MAP3K4: variants seen among roughly 807,000 people sequenced by gnomAD.
MAP3K4 encodes MAP three kinase 1.
In MAP3K4, 67 loss-of-function variants were observed where a neutral mutation model predicts 185.6. The observed-to-expected ratio is 0.36, with a 90% CI of 0.30 to 0.44. The LOEUF is 0.44. Ranked by LOEUF, MAP3K4 falls within the 20% of genes least tolerant of loss-of-function variation. MAP3K4 has a pLI of 1.00. For synonymous variants in MAP3K4, 702 were observed against 710.4 expected, an observed-to-expected ratio of 0.99 and a Z score of 0.19; for missense variants, 1,551 against 1,995.1, an observed-to-expected ratio of 0.78 and a Z score of 4.24.
intron 1 of MAP3K4, among the ~76,000 whole-genome samples, chr6:161,029,871 A>C (rs1478386153): frequency 6.6e-6 from 1 of 152,136 alleles, no homozygotes; most frequent in African/African-American, 2.4e-5. Context: ...GTTTTAAAGA[A>C]AAAAGAATAA....
rs368122859 is a variant in MAP3K4, at chr6:161,092,929, C to T, written c.3270-49C>T. 13 of 1,084,058 alleles carry T rather than the reference C, an allele frequency of 1.2e-5. No homozygotes were observed. The African/African-American group carries it at 2.0e-4, about 17-fold the overall frequency. 67.2% of individuals were successfully genotyped at this position (1,084,058 alleles called of 1,614,324 possible). A position where few individuals can be genotyped will look rare whatever the true frequency, so the allele number is the denominator to read the frequency against. ...AGTATTGTACAGTCTAAAACTGCTACAGCGTTTTCTTGGTTGTTATGTGAT... is the reference window on the plus strand; with the variant it reads ...AGTATTGTACAGTCTAAAACTGCTATAGCGTTTTCTTGGTTGTTATGTGAT... On this transcript the variant is annotated intron_variant, in intron 13 of 26. Transcript: ENST00000392142.
At position 161,100,665 on chromosome 6, in the gene MAP3K4, G is replaced by A. The variant is rs1055182302; in HGVS notation, c.3675-1227G>A. Among the ~76,000 whole-genome samples, 5 of 152,118 alleles carry A rather than the reference G, an allele frequency of 3.3e-5. No homozygotes were observed. The highest frequency in any genetic ancestry group is 4.8e-5 in the African/African-American group (2 of 41,404). On this transcript the variant is annotated intron_variant, in intron 17 of 26. Transcript: ENST00000392142. The surrounding 1 kb of genome is among the most constrained non-coding windows in gnomAD (Gnocchi z 5.8). ...CATTCCCCAATATGCCACTTCATGA[G>A]TATATGTTCTTGCTTTTTACCCGTG...
chr6:161,092,172 T>C, intron 13 of MAP3K4, 29 bp downstream of exon 13: 1 of 1,612,718 alleles, frequency 6.2e-7, no homozygotes. Context: ...GTTTCTGAAA[T>C]GTGTCATGTG....
Position 161,034,243 on chromosome 6 carries a change from ACACTGTCTTT to A in MAP3K4, c.153-13_153-4del, listed in dbSNP as rs778744668. 6.2e-7 allele frequency: 1 copy of A among 1,602,172 alleles called. No homozygotes were observed. Among genetic ancestry groups the A allele is most frequent in the African/African-American group, 1.3e-5 (1 of 74,688 alleles). ...CTGTGTTGCTGAATATTTTCCCTGCACACTGTCTTTCATAGGCAAGAGGGCACATTGGGAG... is the reference window on the plus strand; with the variant it reads ...CTGTGTTGCTGAATATTTTCCCTGCACATAGGCAAGAGGGCACATTGGGAG... On this transcript the variant is annotated splice_polypyrimidine_tract_variant and splice_region_variant and intron_variant, in intron 1 of 26. Transcript: ENST00000392142. The surrounding 1 kb of genome is among the most constrained non-coding windows in gnomAD (Gnocchi z 4.4).
chr6:161,000,617 A>G lies in MAP3K4; in HGVS notation c.152+8534A>G, dbSNP rs183271809. Among the ~76,000 whole-genome samples, 1,109 of 152,272 alleles carry G rather than the reference A, an allele frequency of 7.3e-3. 10 individuals carry two copies. The highest frequency in any genetic ancestry group is 0.012 in the Non-Finnish European group (844 of 68,004). On this transcript the variant is annotated intron_variant, in intron 1 of 26. Transcript: ENST00000392142. Reference sequence around the variant, plus strand: ...TAATTTGTTGATCTTTCTCTGAAACAGTAACCTGTGTTTAAAATTTTTCAC... The same window carrying G: ...TAATTTGTTGATCTTTCTCTGAAACGGTAACCTGTGTTTAAAATTTTTCAC...
In MAP3K4 at chr6:161,065,765, C is replaced by T. The variant is rs557219901; in HGVS notation, c.1708-4843C>T. ...CATCCTGGCTAACACAGTGAAACCCCGTCTCTACTAAAAATACAAAAAATT... is the reference window on the plus strand; with the variant it reads ...CATCCTGGCTAACACAGTGAAACCCTGTCTCTACTAAAAATACAAAAAATT... On this transcript the variant is annotated intron_variant, in intron 3 of 26. Transcript: ENST00000392142. Among the ~76,000 whole-genome samples, 8 of 152,102 alleles carry T rather than the reference C, an allele frequency of 5.3e-5. No individual in the cohort carries two copies. The East Asian group carries it at 1.2e-3, about 22-fold the overall frequency.
At chr6:161,072,465 A>G (rs1170476319) in intron 4 of MAP3K4, among the ~76,000 whole-genome samples, 1 of 152,210 alleles carries the variant, frequency 6.6e-6, no homozygotes, top group African/African-American at 2.4e-5. Context: ...GTATTTTTCA[A>G]AAGCAAGAAT....
At chr6:161,045,655 C>A (rs909542791) in intron 2 of MAP3K4, among the ~76,000 whole-genome samples, 4 of 152,116 alleles carry the variant, frequency 2.6e-5, no homozygotes, top group African/African-American at 9.7e-5. Context: ...ACCTTTCAAT[C>A]ATAGATTAGA....
chr6:161,014,832 C>T (rs947439131), intron 1 of MAP3K4, among the ~76,000 whole-genome samples: 3 of 151,082 alleles, frequency 2.0e-5, no homozygotes, highest in Admixed American at 2.0e-4. Flanking sequence ...ATATATGCAA[C>T]CATTACCACA....
intron 1 of MAP3K4, among the ~76,000 whole-genome samples, chr6:161,015,482 A>G (rs1782049824): frequency 6.6e-6 from 1 of 152,048 alleles, no homozygotes; most frequent in South Asian, 2.1e-4. Flanking sequence ...AGTGGCCACC[A>G]TCACCACCAC....
intron 19 of MAP3K4, among the ~76,000 whole-genome samples, chr6:161,104,760 A>G (rs915960209): frequency 1.3e-5 from 2 of 151,062 alleles, no homozygotes; most frequent in Non-Finnish European, 2.9e-5. Flanking sequence ...AGCGTTTCTC[A>G]GAAATATTTG....
intron 1 of MAP3K4, among the ~76,000 whole-genome samples, chr6:161,029,051 C>G (rs980843129): frequency 1.8e-4 from 28 of 152,292 alleles, no homozygotes; most frequent in African/African-American, 6.7e-4. Context: ...CCTAGAAAAT[C>G]TATCCCTTCT....
At chr6:161,059,687 C>T (rs1274148622) in intron 3 of MAP3K4, among the ~76,000 whole-genome samples, 3 of 152,014 alleles carry the variant, frequency 2.0e-5, no homozygotes, top group Non-Finnish European at 2.9e-5. Context: ...TTTATATAGT[C>T]ATGTCTGTTG....
chr6:161,102,776 A>G lies in MAP3K4; in HGVS notation c.3853A>G (p.Lys1285Glu). 6.9e-7 allele frequency: 1 copy of G among 1,457,296 alleles called. No individual in the cohort carries two copies. The highest frequency in any genetic ancestry group is 9.4e-7 in the Non-Finnish European group (1 of 1,059,804). The allele number at this position is 1,457,296 out of a possible 1,614,324, so 90.3% of individuals were successfully genotyped here. The change falls in exon 19 of 27, where the codon AAA (lysine) becomes GAA (glutamate). Residue 1285 changes from lysine to glutamate, a missense_variant. Transcript: ENST00000392142. ...WELRTLISQS[K>E]DTASKLGPIE... ...ACTTCGGACACTAATCAGCCAGAGT[A>G]AAGGTGAGAGAAAGAGTGTTGAAGT...
intron 2 of MAP3K4, among the ~76,000 whole-genome samples, chr6:161,041,685 C>G (rs377391519): frequency 7.9e-5 from 12 of 152,260 alleles, no homozygotes; most frequent in East Asian, 5.8e-4. Context: ...GTGGGGCTGC[C>G]CTGTGCAGCC....
In MAP3K4 at chr6:161,101,646, G is replaced by A. The variant is rs759350253; in HGVS notation, c.3675-246G>A. 2.8e-6 allele frequency: 1 copy of A among 353,616 alleles called. No homozygotes were observed. Among genetic ancestry groups the A allele is most frequent in the South Asian group, 4.9e-5 (1 of 20,554 alleles). The allele number at this position is 353,616 out of a possible 1,614,324, so 21.9% of individuals were successfully genotyped here. On this transcript the variant is annotated intron_variant, in intron 17 of 26. Transcript: ENST00000392142. This position sits in a 1 kb window ranked among gnomAD's most constrained non-coding sequence, Gnocchi z 5.1. Reference sequence around the variant, plus strand: ...AGAGCTCTAACAGACTCCAGAGGACGGTCTCCACAGCAGCGCTGTTCACTT... The same window carrying A: ...AGAGCTCTAACAGACTCCAGAGGACAGTCTCCACAGCAGCGCTGTTCACTT...
chr6:161,023,205 A>G (rs909318261), intron 1 of MAP3K4, among the ~76,000 whole-genome samples: 5 of 152,072 alleles, frequency 3.3e-5, no homozygotes, highest in Non-Finnish European at 7.4e-5. Context: ...TCCTTTTTTT[A>G]AAATTTATTC....
Position 161,027,419 on chromosome 6 carries a change from T to C in MAP3K4, c.153-6840T>C, listed in dbSNP as rs118112614. 1.7e-3 allele frequency among the ~76,000 whole-genome samples: 265 copies of C among 152,302 alleles called. 2 individuals are homozygous for C. In the East Asian group the frequency reaches 0.037, roughly 21 times the overall value. On this transcript the variant is annotated intron_variant, in intron 1 of 26. Coordinates refer to ENST00000392142, the MANE Select transcript of MAP3K4 (RefSeq NM_005922.4). ...TGGAATGCTTTGCAAAGTGTCAGTA[T>C]AGGTGAGTAACATTAAAAAAAAATT...
At chr6:161,042,972 G>A (rs1359258731) in intron 2 of MAP3K4, among the ~76,000 whole-genome samples, 5 of 152,134 alleles carry the variant, frequency 3.3e-5, no homozygotes, top group African/African-American at 9.7e-5. Context: ...CAAGGTGTGT[G>A]TGTGTGCATG....
Sources: allele counts gnomAD v4.1 joint callset (sites outside exome capture counted in the v4.1 genomes callset), GRCh38; gene constraint gnomAD v4.1.1; non-coding constraint Gnocchi (gnomAD v3.1); transcripts MANE v1.5; gene names NCBI Gene and HGNC (gene_info 2026-07-23, HGNC 2026-07-21).